The following LGR6 variants were observed in gnomAD, a reference collection of about 807,000 sequenced individuals.
LGR6 encodes leucine rich repeat containing G protein-coupled receptor 6.
In LGR6, 45 loss-of-function variants were observed where a neutral mutation model predicts 69.4. The observed-to-expected ratio is 0.65, with a 90% CI of 0.51 to 0.83. The LOEUF (loss-of-function observed/expected upper bound fraction) is 0.83. Among genes scored for constraint, LGR6 ranks in the 40% least tolerant of loss-of-function variants. The probability of loss-of-function intolerance (pLI) is 0.00; values close to 1 mark genes in which losing one functional copy is unlikely to be tolerated. For synonymous variants in LGR6, 538 were observed against 555.0 expected, an observed-to-expected ratio of 0.97 and a Z score of 0.43; for missense variants, 1,108 against 1,246.7, an observed-to-expected ratio of 0.89 and a Z score of 1.68.
Position 202,260,595 on chromosome 1 carries a change from G to A in LGR6, c.429-15711G>A, listed in dbSNP as rs547776849. ...CCTGTCTTGGCTTCCCAAAGTGTCG[G>A]GAATGAGCCACCGTGCTCTGCCAAA... On this transcript the variant is annotated intron_variant, in intron 4 of 17. Coordinates refer to ENST00000367278, the MANE Select transcript of LGR6 (RefSeq NM_001017403.2). Among the ~76,000 whole-genome samples the A allele has an allele frequency of 8.9e-4, 136 of 152,258 alleles. 1 individual carries two copies. The highest frequency in any genetic ancestry group is 3.2e-3 in the African/African-American group (131 of 41,550).
In LGR6 at chr1:202,277,387, G is replaced by T. The variant is rs537835058; in HGVS notation, c.644+866G>T. Among the ~76,000 whole-genome samples, 11 of 151,184 alleles carry T rather than the reference G, an allele frequency of 7.3e-5. No homozygotes were observed. In the South Asian group the frequency reaches 2.3e-3, roughly 32 times the overall value. On this transcript the variant is annotated intron_variant, in intron 5 of 17. Coordinates refer to ENST00000367278, the MANE Select transcript of LGR6 (RefSeq NM_001017403.2). Reference sequence around the variant, plus strand: ...TGTCCTGGGAAGCTGGAGAACCAAGGTCAATATCCTTGTGGACTATATTCT... The same window carrying T: ...TGTCCTGGGAAGCTGGAGAACCAAGTTCAATATCCTTGTGGACTATATTCT...
In LGR6 at chr1:202,268,440, A is replaced by G. The variant is rs1052407805; in HGVS notation, c.429-7866A>G. ...GGAATATTTTCCCCACAGAATAACCATTTCCATAGTGGCTGCTTTTTTTTT... is the reference window on the plus strand; with the variant it reads ...GGAATATTTTCCCCACAGAATAACCGTTTCCATAGTGGCTGCTTTTTTTTT... On this transcript the variant is annotated intron_variant, in intron 4 of 17. Coordinates refer to ENST00000367278, the MANE Select transcript of LGR6 (RefSeq NM_001017403.2). The surrounding 1 kb of genome is among the most constrained non-coding windows in gnomAD (Gnocchi z 4.4). Among the ~76,000 whole-genome samples, 1 of 147,526 alleles carries G rather than the reference A, an allele frequency of 6.8e-6. No individual in the cohort carries two copies. Among genetic ancestry groups the G allele is most frequent in the Non-Finnish European group, 1.5e-5 (1 of 67,192 alleles).
intron 1 of LGR6, among the ~76,000 whole-genome samples, chr1:202,217,317 T>C (rs1269223009): frequency 6.6e-6 from 1 of 152,214 alleles, no homozygotes; most frequent in Non-Finnish European, 1.5e-5. Flanking sequence ...GAACCTCTCC[T>C]GGGTCTCGTC....
At chr1:202,266,535 A>G (rs1300215793) in intron 4 of LGR6, among the ~76,000 whole-genome samples, 1 of 150,540 alleles carries the variant, frequency 6.6e-6, no homozygotes, top group Non-Finnish European at 1.5e-5. Flanking sequence ...TAAAGTTCAG[A>G]TCCATAAAGC....
chr1:202,309,802 A>G (rs544461166), intron 15 of LGR6, among the ~76,000 whole-genome samples: 1 of 152,364 alleles, frequency 6.6e-6, no homozygotes, highest in Admixed American at 6.5e-5. Context: ...CACCAGAAGA[A>G]TCCATGTGGC....
chr1:202,317,349 TG>T (rs2148323787), intron 17 of LGR6, among the ~76,000 whole-genome samples: 1 of 151,822 alleles, frequency 6.6e-6, no homozygotes, highest in African/African-American at 2.4e-5. Context: ...GTTTTTTTTT[TG>T]TTTTTTTGGG....
At chr1:202,197,494 C>G in intron 1 of LGR6, 2 of 532,762 alleles carry the variant, frequency 3.8e-6, no homozygotes, top group South Asian at 2.8e-5. Context: ...GACATTCTCC[C>G]TGGTTAGGGC....
At chr1:202,317,429 C>G (rs1654233689) in intron 17 of LGR6, among the ~76,000 whole-genome samples, 1 of 151,874 alleles carries the variant, frequency 6.6e-6, no homozygotes, top group South Asian at 2.1e-4. Context: ...ACTGCAACCT[C>G]CGTCCCCCGG....
chr1:202,297,407 C>A, intron 6 of LGR6, 101 bp from the exon 7 acceptor site: 1 of 884,552 alleles, frequency 1.1e-6, no homozygotes, highest in Non-Finnish European at 1.8e-6. Flanking sequence ...TTGGAAAACC[C>A]ATCTCCCTGG....
chr1:202,204,491 A>C (rs1658985369), intron 1 of LGR6, among the ~76,000 whole-genome samples: 1 of 90,788 alleles, frequency 1.1e-5, no homozygotes, highest in Non-Finnish European at 2.2e-5. Flanking sequence ...ACACACCTCC[A>C]CACACACACC....
intron 4 of LGR6, among the ~76,000 whole-genome samples, chr1:202,240,738 G>A (rs1662121144): frequency 2.0e-5 from 3 of 152,182 alleles, no homozygotes; most frequent in Non-Finnish European, 1.5e-5. Context: ...GATAGTGACA[G>A]TAAAAGCAGG....
At chr1:202,264,216 T>G (rs1664466650) in intron 4 of LGR6, among the ~76,000 whole-genome samples, 1 of 152,144 alleles carries the variant, frequency 6.6e-6, no homozygotes, top group East Asian at 1.9e-4. Context: ...TGGGAAGCCA[T>G]GGTTGATATG....
intron 1 of LGR6, among the ~76,000 whole-genome samples, chr1:202,198,476 C>T (rs1658718717): frequency 6.6e-6 from 1 of 152,048 alleles, no homozygotes; most frequent in African/African-American, 2.4e-5. Flanking sequence ...ATTAGGGTGA[C>T]CAGGGCCAAG....
intron 6 of LGR6, among the ~76,000 whole-genome samples, chr1:202,291,872 A>T (rs116406270): frequency 0.01 from 1,562 of 152,342 alleles, 28 homozygotes; most frequent in African/African-American, 0.035. Flanking sequence ...CTCTATTATT[A>T]CCATTGTAAT....
chr1:202,267,431 G>C (rs573246979), intron 4 of LGR6, among the ~76,000 whole-genome samples: 4 of 152,286 alleles, frequency 2.6e-5, no homozygotes, highest in African/African-American at 4.8e-5. Flanking sequence ...CCTCGGCTAG[G>C]AGTGTACTCT....
At chr1:202,249,527 G>A (rs756655474) in intron 4 of LGR6, among the ~76,000 whole-genome samples, 1 of 152,144 alleles carries the variant, frequency 6.6e-6, no homozygotes, top group Non-Finnish European at 1.5e-5. Flanking sequence ...TACAATGAAC[G>A]GCCTATTGGA....
chr1:202,311,265 G>GA (rs2148301016), intron 16 of LGR6, among the ~76,000 whole-genome samples: 1 of 152,292 alleles, frequency 6.6e-6, no homozygotes, highest in South Asian at 2.1e-4. Context: ...TTACAGCGTA[G>GA]ACAAAACTGA....
chr1:202,204,057 T>C (rs1478502755), intron 1 of LGR6, among the ~76,000 whole-genome samples: 1 of 152,070 alleles, frequency 6.6e-6, no homozygotes, highest in African/African-American at 2.4e-5. Context: ...GATTCAGGGT[T>C]CCTTGTGGAC....
At chr1:202,301,558 G>A (rs1667595956) in intron 9 of LGR6, among the ~76,000 whole-genome samples, 2 of 152,170 alleles carry the variant, frequency 1.3e-5, no homozygotes, top group South Asian at 4.1e-4. Flanking sequence ...AGAAATAATT[G>A]GGAGTTTTGA....
Sources: allele counts gnomAD v4.1 joint callset (sites outside exome capture counted in the v4.1 genomes callset), GRCh38; gene constraint gnomAD v4.1.1; non-coding constraint Gnocchi (gnomAD v3.1); transcripts MANE v1.5; gene names NCBI Gene and HGNC (gene_info 2026-07-23, HGNC 2026-07-21).